The following SLC22A2 variants were observed in gnomAD, a reference collection of about 807,000 sequenced individuals.
The protein encoded by SLC22A2 is solute carrier family 22 member 2.
SLC22A2 carries 46 observed loss-of-function variants against 60.5 expected under a neutral mutation model. The ratio of observed to expected loss-of-function variants is 0.76; its 90% CI spans 0.60 to 0.97. SLC22A2 has a LOEUF of 0.97. Among genes scored for constraint, SLC22A2 ranks in the 50% least tolerant of loss-of-function variants. The pLI is 0.00. For synonymous variants in SLC22A2, 303 were observed against 267.0 expected, an observed-to-expected ratio of 1.13 and a Z score of -1.31; for missense variants, 701 against 706.6, an observed-to-expected ratio of 0.99 and a Z score of 0.09.
chr6:160,258,384 C>T lies in SLC22A2; in HGVS notation c.374G>A (p.Gly125Asp). The T allele has an allele frequency of 6.2e-7, 1 of 1,613,400 alleles. No homozygotes were observed. Among genetic ancestry groups the T allele is most frequent in the Non-Finnish European group, 8.5e-7 (1 of 1,179,764 alleles). ...CGAGCCAGGCGTCTCGTACACCCAG[C>T]CGTCCCGGCAGGGGCCCAGTGGCAG... ...SRLPLGPCRD[G>D]WVYETPGSSI... Residue 125 changes from glycine to aspartate, a missense_variant, in exon 1 of 11, where the codon GGC becomes GAC. Physicochemically the swap from Gly to Asp is moderately conservative, Grantham distance 94 (BLOSUM62 -1). Coordinates refer to ENST00000366953, the MANE Select transcript of SLC22A2 (RefSeq NM_003058.4).
At chr6:160,256,572 C>T in intron 2 of SLC22A2, 42 bp downstream of exon 2, 1 of 1,405,412 alleles carries the variant, frequency 7.1e-7, no homozygotes, top group Non-Finnish European at 1.0e-6. Flanking sequence ...TTCTCCAAAC[C>T]TTTGGGATTG....
At chr6:160,221,506 C>T (rs1269163136) in intron 10 of SLC22A2, among the ~76,000 whole-genome samples, 1 of 152,230 alleles carries the variant, frequency 6.6e-6, no homozygotes, top group Non-Finnish European at 1.5e-5. Flanking sequence ...GACTTGGCTA[C>T]CTGGTACAAG....
At chr6:160,236,470 C>T (rs1467341814) in intron 9 of SLC22A2, among the ~76,000 whole-genome samples, 1 of 152,196 alleles carries the variant, frequency 6.6e-6, no homozygotes, top group African/African-American at 2.4e-5. Flanking sequence ...ATTTGTTTCT[C>T]TCTACCTGAT....
At chr6:160,245,568 CG>C in intron 5 of SLC22A2, 23 bp from the exon 6 acceptor site, 3 of 1,488,642 alleles carry the variant, frequency 2.0e-6, no homozygotes, top group Non-Finnish European at 2.8e-6. Flanking sequence ...ATAGAAAGGA[CG>C]GCTTTGTATA....
At chr6:160,248,768 TA>T (rs1455985659) in intron 4 of SLC22A2, among the ~76,000 whole-genome samples, 1 of 152,202 alleles carries the variant, frequency 6.6e-6, no homozygotes, top group Non-Finnish European at 1.5e-5. Flanking sequence ...TGATGAAGAA[TA>T]CTGTGATTCA....
intron 10 of SLC22A2, among the ~76,000 whole-genome samples, chr6:160,218,469 C>T (rs1782578104): frequency 6.7e-6 from 1 of 149,782 alleles, no homozygotes; most frequent in African/African-American, 2.5e-5. Context: ...TCAGTGACAA[C>T]AGCAGCAGTA....
intron 10 of SLC22A2, among the ~76,000 whole-genome samples, chr6:160,223,251 A>G (rs1782671194): frequency 6.6e-6 from 1 of 152,304 alleles, no homozygotes; most frequent in Admixed American, 6.5e-5. Context: ...GTACTGTTTG[A>G]ATGGGTTCAT....
chr6:160,218,153 G>A (rs575812343), intron 10 of SLC22A2: 17 of 222,012 alleles, frequency 7.7e-5, no homozygotes, highest in African/African-American at 1.4e-4. Context: ...GTATTGTCTC[G>A]TTTTCTGGAC....
chr6:160,239,203 G>A (rs999612921), intron 9 of SLC22A2, among the ~76,000 whole-genome samples: 2 of 152,174 alleles, frequency 1.3e-5, no homozygotes, highest in Non-Finnish European at 2.9e-5. Flanking sequence ...GATGCCAGAT[G>A]CCATGGTGAT....
intron 9 of SLC22A2, among the ~76,000 whole-genome samples, chr6:160,241,198 C>T (rs1782994741): frequency 6.6e-6 from 1 of 152,078 alleles, no homozygotes; most frequent in Non-Finnish European, 1.5e-5. Context: ...CAACATTCTG[C>T]CTCTATGGCA....
Position 160,249,218 on chromosome 6 carries a change from G to A in SLC22A2, c.840C>T (p.Tyr280=). Residue 280 remains tyrosine (Y), a splice_region_variant and synonymous_variant, in exon 4 of 11, where the codon TAC becomes TAT. Transcript: ENST00000366953. ...CTTTTTATTCCAAATGGACTTACCA[G>A]TAATAGAGCAAGAAGAAGAAGTTGG... ...SLPNFFFLLY[Y]WCIPESPRWL... is the part of the protein sequence containing the mutation. 1 of 1,592,816 alleles carries A rather than the reference G, an allele frequency of 6.3e-7. No individual in the cohort carries two copies. Among genetic ancestry groups the A allele is most frequent in the East Asian group, 2.2e-5 (1 of 44,642 alleles).
Position 160,256,704 on chromosome 6 carries a change from C to T in SLC22A2, c.428G>A (p.Cys143Tyr), listed in dbSNP as rs750241600. The change falls in exon 2 of 11, where the codon TGT (cysteine) becomes TAT (tyrosine). Residue 143 changes from cysteine to tyrosine, a missense_variant. Transcript: ENST00000366953. ...SSIVTEFNLV[C>Y]ANSWMLDLFQ... ...TAGGTCCAACATCCAGGAGTTGGCA[C>T]ATACCAGGTTAAACTGCCAGCAGGG... is the stretch of plus-strand genomic sequence containing the variant. 3 of 1,613,482 alleles carry T rather than the reference C, an allele frequency of 1.9e-6. No homozygotes were observed. Among genetic ancestry groups the T allele is most frequent in the East Asian group, 2.2e-5 (1 of 44,878 alleles).
chr6:160,232,701 A>G (rs2114856550), intron 9 of SLC22A2, among the ~76,000 whole-genome samples: 1 of 151,986 alleles, frequency 6.6e-6, no homozygotes, highest in East Asian at 1.9e-4. Context: ...GTAGCTAAAA[A>G]AGCAGCCATC....
intron 5 of SLC22A2, among the ~76,000 whole-genome samples, chr6:160,246,406 C>T (rs1352486513): frequency 2.0e-5 from 3 of 152,250 alleles, no homozygotes; most frequent in Non-Finnish European, 4.4e-5. Flanking sequence ...ACACAGGTAA[C>T]GAACACCTCT....
chr6:160,238,997 T>A (rs1782956060), intron 9 of SLC22A2, among the ~76,000 whole-genome samples: 1 of 151,952 alleles, frequency 6.6e-6, no homozygotes, highest in African/African-American at 2.4e-5. Flanking sequence ...CACAGGATGA[T>A]AGGAGGTCAG....
At chr6:160,225,155 C>T (rs1352481781) in intron 9 of SLC22A2, among the ~76,000 whole-genome samples, 1 of 152,074 alleles carries the variant, frequency 6.6e-6, no homozygotes, top group African/African-American at 2.4e-5. Flanking sequence ...GTTTAAATCA[C>T]TTAGTAAGGA....
Position 160,239,604 on chromosome 6 carries a change from G to A in SLC22A2, c.1501+1870C>T, listed in dbSNP as rs541827679. On this transcript the variant is annotated intron_variant, in intron 9 of 10. Transcript: ENST00000366953. ...CTAAGGGAGTGGCCAAGATTGAGTG[G>A]TCTCTAACTTCCTCCATGGCAGGAA... Among the ~76,000 whole-genome samples, 26 of 152,278 alleles carry A rather than the reference G, an allele frequency of 1.7e-4. 1 individual carries two copies. The South Asian group carries it at 3.9e-3, about 23-fold the overall frequency.
At chr6:160,223,049 C>A (rs566497632) in intron 10 of SLC22A2, among the ~76,000 whole-genome samples, 8 of 152,230 alleles carry the variant, frequency 5.3e-5, no homozygotes, top group African/African-American at 1.4e-4. Context: ...TGTGATTTAC[C>A]AGCATTTTGC....
At position 160,258,531 on chromosome 6, in the gene SLC22A2, G is replaced by C. The variant is rs776485194; in HGVS notation, c.227C>G (p.Pro76Arg). The C allele has an allele frequency of 5.6e-6, 9 of 1,613,962 alleles. No homozygotes were observed. Among genetic ancestry groups the C allele is most frequent in the African/African-American group, 1.3e-5 (1 of 74,928 alleles). The change falls in exon 1 of 11, where the codon CCG becomes CGG. Residue 76 changes from proline to arginine, a missense_variant. Physicochemically the swap from Pro to Arg is moderately radical, Grantham distance 103 (BLOSUM62 -2). Transcript: ENST00000366953. ...SPAEELNYTV[P>R]GPGPAGEASP... ...GGCTTCGCCCGCAGGTCCTGGGCCC[G>C]GCACCGTGTAGTTCAGTTCCTCTGC...
Sources: allele counts gnomAD v4.1 joint callset (sites outside exome capture counted in the v4.1 genomes callset), GRCh38; gene constraint gnomAD v4.1.1; transcripts MANE v1.5; gene names NCBI Gene and HGNC (gene_info 2026-07-23, HGNC 2026-07-21).